Variants in SWT1 observed in about 807,000 individuals in gnomAD.
SWT1 encodes transcriptional protein SWT1.
SWT1 carries 33 observed loss-of-function variants against 107.3 expected under a neutral mutation model. That is an observed-to-expected ratio of 0.31 (90% CI 0.23 to 0.41). The LOEUF (loss-of-function observed/expected upper bound fraction) is 0.41, where lower values mean the gene tolerates loss of function less well. Among genes scored for constraint, SWT1 ranks in the 10% least tolerant of loss-of-function variants. The probability of loss-of-function intolerance (pLI) is 1.00; values close to 1 mark genes in which losing one functional copy is unlikely to be tolerated. For synonymous variants in SWT1, 345 were observed against 348.3 expected (o/e 0.99, Z 0.11); for missense variants, 898 against 1,028.9 (o/e 0.87, Z 1.74).
intron 4 of SWT1, among the ~76,000 whole-genome samples, chr1:185,172,799 A>G (rs566579757): frequency 6.6e-6 from 1 of 152,160 alleles, no homozygotes; most frequent in African/African-American, 2.4e-5. Context: ...CTGTAATCCC[A>G]GCACTTTGGG....
intron 13 of SWT1, among the ~76,000 whole-genome samples, chr1:185,209,436 C>T (rs1174403136): frequency 1.3e-5 from 2 of 152,116 alleles, no homozygotes; most frequent in Non-Finnish European, 2.9e-5. Flanking sequence ...CATGTGTTCT[C>T]ATTGTTCAGC....
rs142269436 is a variant in SWT1 at position 185,251,583 on chromosome 1, G to T, written c.2442-19740G>T. Among the ~76,000 whole-genome samples, 22 of 152,046 alleles carry T rather than the reference G, an allele frequency of 1.4e-4. 1 individual carries two copies. The highest frequency in any genetic ancestry group is 1.4e-3 in the Admixed American group (21 of 15,258). The stretch of plus-strand genomic sequence containing the variant: ...TATTTTGAGGTTATCTCTTTCTGAT[G>T]AATTGATCCTCTTTACTGCTAGTGA... On this transcript the variant is annotated intron_variant, in intron 16 of 18. Coordinates refer to ENST00000367500, the MANE Select transcript of SWT1 (RefSeq NM_017673.7).
intron 11 of SWT1, among the ~76,000 whole-genome samples, chr1:185,204,295 A>C (rs1288250954): frequency 6.6e-6 from 1 of 152,122 alleles, no homozygotes; most frequent in Admixed American, 6.5e-5. Context: ...AAAAAAAAGA[A>C]AAATATTCCA....
chr1:185,224,357 GTTGT>G (rs1156724625), intron 15 of SWT1, among the ~76,000 whole-genome samples: 1 of 151,946 alleles, frequency 6.6e-6, no homozygotes, highest in Non-Finnish European at 1.5e-5. Context: ...GGTATATTTT[GTTGT>G]TTGTTTTTTT....
In SWT1 at chr1:185,196,918, T is replaced by A. The variant is rs1026035749; in HGVS notation, c.1524-5736T>A. 2.6e-5 allele frequency among the ~76,000 whole-genome samples: 4 copies of A among 152,322 alleles called. No individual in the cohort carries two copies. The South Asian group carries it at 8.3e-4, about 32-fold the overall frequency. On this transcript the variant is annotated intron_variant, in intron 10 of 18. Transcript: ENST00000367500. ...TGCAAATAGAGACAATTTGACTTCT[T>A]CTCTTCGTATTTGAGTACCCTTTAT...
At chr1:185,259,329 A>G (rs1662858739) in intron 16 of SWT1, among the ~76,000 whole-genome samples, 1 of 152,170 alleles carries the variant, frequency 6.6e-6, no homozygotes, top group Non-Finnish European at 1.5e-5. Flanking sequence ...TTAACATACA[A>G]TCAGCAATCA....
chr1:185,212,237 G>T (rs1416627805), intron 13 of SWT1, among the ~76,000 whole-genome samples: 4 of 151,998 alleles, frequency 2.6e-5, no homozygotes, highest in Non-Finnish European at 5.9e-5. Flanking sequence ...AAAGCATGTA[G>T]AATCTCTTTT....
chr1:185,184,511 C>T (rs1464949492), intron 8 of SWT1, among the ~76,000 whole-genome samples, 167 bp downstream of exon 8: 3 of 152,154 alleles, frequency 2.0e-5, no homozygotes, highest in African/African-American at 7.2e-5. Flanking sequence ...GTTAAACTAG[C>T]AATCTGAACT....
In SWT1 at chr1:185,168,348, T is replaced by C. The variant is rs1414123964; in HGVS notation, c.174T>C (p.Asp58=). 1.8e-5 allele frequency: 25 copies of C among 1,389,340 alleles called. No individual in the cohort carries two copies. In the Middle Eastern group the frequency reaches 5.5e-4, roughly 31 times the overall value. 86.1% of individuals were successfully genotyped at this position (1,389,340 alleles called of 1,614,324 possible). ...TTTTTTATTTATTTCAGAAATCAGA[T>C]CATACAGATGTTCTGTACTATAATA... The part of the protein sequence containing the change: ...VSSEKRKLKS[D]HTDVLYYNIK... The change falls in exon 4 of 19, where the codon GAT becomes GAC. Residue 58 remains aspartate, a synonymous_variant. Coordinates refer to ENST00000367500, the MANE Select transcript of SWT1 (RefSeq NM_017673.7).
At chr1:185,276,564 T>A in intron 17 of SWT1, 40 bp from the exon 18 acceptor site, 1 of 1,260,260 alleles carries the variant, frequency 7.9e-7, no homozygotes, top group African/African-American at 1.5e-5. Flanking sequence ...TCACTCACTT[T>A]AATATATATT....
intron 18 of SWT1, among the ~76,000 whole-genome samples, chr1:185,285,353 A>T (rs1664886036): frequency 6.6e-6 from 1 of 152,170 alleles, no homozygotes; most frequent in Non-Finnish European, 1.5e-5. Context: ...CAAGAAGTGA[A>T]TAAAAACTTG....
chr1:185,173,757 C>G (rs1253517155), intron 4 of SWT1, among the ~76,000 whole-genome samples: 1 of 151,432 alleles, frequency 6.6e-6, no homozygotes, highest in African/African-American at 2.4e-5. Context: ...TGGCTCACAC[C>G]TGTAATCCCA....
At chr1:185,255,401 A>T (rs868602827) in intron 16 of SWT1, among the ~76,000 whole-genome samples, 47 of 138,200 alleles carry the variant, frequency 3.4e-4, no homozygotes, top group African/African-American at 1.4e-3. Context: ...CCCATTATTA[A>T]TGTGTGGGAG....
At chr1:185,217,052 C>G (rs1025897175) in intron 14 of SWT1, among the ~76,000 whole-genome samples, 2 of 152,116 alleles carry the variant, frequency 1.3e-5, no homozygotes, top group African/African-American at 4.8e-5. Context: ...GCAAGAGATT[C>G]ATGAAGGCGA....
intron 4 of SWT1, among the ~76,000 whole-genome samples, chr1:185,168,801 C>T (rs1654806300): frequency 6.6e-6 from 1 of 152,070 alleles, no homozygotes; most frequent in Admixed American, 6.6e-5. Flanking sequence ...GCTTTAAAAC[C>T]GTGTTGATTA....
At chr1:185,268,216 A>G (rs1230060598) in intron 16 of SWT1, among the ~76,000 whole-genome samples, 4 of 152,246 alleles carry the variant, frequency 2.6e-5, no homozygotes, top group African/African-American at 9.6e-5. Context: ...ATCTGATTAT[A>G]AAAGTAATAT....
chr1:185,167,339 A>G (rs1211504055), intron 3 of SWT1, among the ~76,000 whole-genome samples: 1 of 152,224 alleles, frequency 6.6e-6, no homozygotes, highest in Non-Finnish European at 1.5e-5. Context: ...ATAGTTAGAA[A>G]CAGTGACAGC....
chr1:185,271,657 A>G (rs1441238475), intron 17 of SWT1, among the ~76,000 whole-genome samples: 1 of 152,194 alleles, frequency 6.6e-6, no homozygotes, highest in East Asian at 1.9e-4. Flanking sequence ...CATATCAGCT[A>G]TCTCACAGTT....
intron 16 of SWT1, among the ~76,000 whole-genome samples, chr1:185,250,684 A>T (rs1244020343): frequency 6.6e-6 from 1 of 152,068 alleles, no homozygotes; most frequent in Non-Finnish European, 1.5e-5. Context: ...ATTTTTTGAG[A>T]TGGAGTCTTG....
Sources: allele counts gnomAD v4.1 joint callset (sites outside exome capture counted in the v4.1 genomes callset), GRCh38; gene constraint gnomAD v4.1.1; transcripts MANE v1.5; gene names NCBI Gene and HGNC (gene_info 2026-07-23, HGNC 2026-07-21).